The following CTBP2 variants were observed in gnomAD, a reference collection of about 807,000 sequenced individuals.
The protein encoded by CTBP2 is C-terminal-binding protein 2.
A neutral mutation model predicts 80.3 loss-of-function variants in CTBP2; 30 were observed. That is an observed-to-expected ratio of 0.37 (90% CI 0.28 to 0.51). The LOEUF (loss-of-function observed/expected upper bound fraction) is 0.51. Among genes scored for constraint, CTBP2 ranks in the 20% least tolerant of loss-of-function variants. The probability of loss-of-function intolerance (pLI) is 0.93; values close to 1 mark genes in which losing one functional copy is unlikely to be tolerated. For synonymous variants in CTBP2, 594 were observed against 587.4 expected (o/e 1.01, Z -0.16); for missense variants, 1,212 against 1,375.3 (o/e 0.88, Z 1.88).
chr10:125,065,619 GGA>G (rs1325239862), intron 2 of CTBP2, among the ~76,000 whole-genome samples: 11 of 152,178 alleles, frequency 7.2e-5, no homozygotes, highest in Admixed American at 5.2e-4. Flanking sequence ...GGGGCCGGAG[GGA>G]GAAAGTGGGA....
intron 1 of CTBP2, among the ~76,000 whole-genome samples, chr10:125,130,564 G>A (rs556856309): frequency 5.2e-4 from 79 of 152,172 alleles, no homozygotes; most frequent in Non-Finnish European, 1.0e-3. Context: ...AGTCACACGT[G>A]GGCTGCACTT....
At chr10:125,031,487 T>TAAAAAAA (rs1445636888), upstream of CTBP2, among the ~76,000 whole-genome samples, 802 of 11,942 alleles carry the variant, frequency 0.067, 17 homozygotes, top group Non-Finnish European at 0.11. Flanking sequence ...AGACTCCATT[T>TAAAAAAA]CAAAAAAAAA....
rs551820146 is a variant in CTBP2 at position 125,139,956 on chromosome 10, C to T, written c.-206+20363G>A. Among the ~76,000 whole-genome samples the T allele has an allele frequency of 5.9e-5, 9 of 152,224 alleles. No homozygotes were observed. In the South Asian group the frequency reaches 6.2e-4, roughly 11 times the overall value. On this transcript the variant is annotated intron_variant, in intron 1 of 10. Transcript: ENST00000337195. ...AAGCAGACCGGTGGCCACACACATT[C>T]GCAACTTCCACTCAGCGTCTAGCAC...
intron 5 of CTBP2, 80 bp from the exon 8 acceptor site, chr10:124,994,065 T>C (rs932786949): frequency 3.8e-6 from 6 of 1,568,396 alleles, no homozygotes; most frequent in Non-Finnish European, 5.2e-6. Context: ...AGAAGAAAGC[T>C]GCAAGCTAGT....
At position 124,994,137 on chromosome 10, in the gene CTBP2, G is replaced by C. The variant is rs935925042; in HGVS notation, c.2401-152C>G. 7 of 1,093,580 alleles carry C rather than the reference G, an allele frequency of 6.4e-6. No individual in the cohort carries two copies. The African/African-American group carries it at 9.5e-5, about 15-fold the overall frequency. The allele number at this position is 1,093,580 out of a possible 1,614,324, so 67.7% of individuals were successfully genotyped here. A position where few individuals can be genotyped will look rare whatever the true frequency, so the allele number is the denominator to read the frequency against. On this transcript the variant is annotated intron_variant, in intron 5 of 8. Transcript: ENST00000309035. ...TTGAGGGAAGGGAGTGGGAAGTGTT[G>C]GTGACGGCTGGAAGCCAGGGCCGTT...
chr10:125,078,877 C>T (rs1251573205), intron 2 of CTBP2, among the ~76,000 whole-genome samples: 1 of 151,692 alleles, frequency 6.6e-6, no homozygotes, highest in Non-Finnish European at 1.5e-5. Flanking sequence ...GTGGCTCGTG[C>T]TTGTAATCCC....
At chr10:125,052,545 C>T (rs1008655425) in intron 2 of CTBP2, among the ~76,000 whole-genome samples, 7 of 152,208 alleles carry the variant, frequency 4.6e-5, no homozygotes, top group Admixed American at 2.0e-4. Context: ...GTTAACAACA[C>T]CCAGAAGATT....
chr10:125,101,686 G>A (rs761273218), intron 2 of CTBP2, among the ~76,000 whole-genome samples: 6 of 152,164 alleles, frequency 3.9e-5, no homozygotes, highest in East Asian at 1.9e-4. Flanking sequence ...AGTTCCGTTC[G>A]TCTTGCATCG....
chr10:125,073,172 A>T (rs562112364), intron 2 of CTBP2, among the ~76,000 whole-genome samples: 3 of 152,326 alleles, frequency 2.0e-5, no homozygotes, highest in African/African-American at 7.2e-5. Flanking sequence ...TTTCTTTCTT[A>T]ATCTCAATGT....
rs1166604725 is a variant in CTBP2, at chr10:124,984,326, A to C, written c.*5192T>G. On this transcript the variant is annotated 3_prime_UTR_variant, in exon 9 of 9. Coordinates refer to ENST00000309035, the MANE Select transcript of CTBP2 (RefSeq NM_022802.3). ...TTTCAGAAAGCCAGTATTCTTATAAAAGTATTGGTCTTTTATTTAATATAC... is the reference window on the plus strand; with the variant it reads ...TTTCAGAAAGCCAGTATTCTTATAACAGTATTGGTCTTTTATTTAATATAC... 1 of 155,978 alleles carries C rather than the reference A, an allele frequency of 6.4e-6. No individual in the cohort carries two copies. The highest frequency in any genetic ancestry group is 1.9e-4 in the East Asian group (1 of 5,294). The allele number at this position is 155,978 out of a possible 1,614,324, so 9.7% of individuals were successfully genotyped here.
intron 1 of CTBP2, among the ~76,000 whole-genome samples, chr10:125,021,779 A>G (rs1250575369): frequency 6.6e-6 from 1 of 152,192 alleles, no homozygotes; most frequent in African/African-American, 2.4e-5. Flanking sequence ...ATGAAACCCA[A>G]TGACTGATCA....
chr10:125,123,722 G>A (rs1854728762), intron 1 of CTBP2, among the ~76,000 whole-genome samples: 1 of 152,206 alleles, frequency 6.6e-6, no homozygotes, highest in African/African-American at 2.4e-5. Context: ...AGAAGCCAGA[G>A]CTCACAATTC....
chr10:125,137,744 CCTT>C (rs1262715378), intron 1 of CTBP2, among the ~76,000 whole-genome samples: 1 of 152,214 alleles, frequency 6.6e-6, no homozygotes, highest in Non-Finnish European at 1.5e-5. Flanking sequence ...CCGTAAATAA[CCTT>C]CTGCCAGCCT....
intron 2 of CTBP2, among the ~76,000 whole-genome samples, chr10:125,043,109 C>T (rs758215449): frequency 4.6e-5 from 7 of 152,084 alleles, no homozygotes; most frequent in Non-Finnish European, 8.8e-5. Context: ...CCAGAGGGGA[C>T]GGGTATGGAA....
chr10:125,131,146 C>A (rs1856110128), intron 1 of CTBP2, among the ~76,000 whole-genome samples: 1 of 152,148 alleles, frequency 6.6e-6, no homozygotes, highest in Admixed American at 6.5e-5. Flanking sequence ...TGGGAGCAGC[C>A]CGCAGAGTGC....
intron 1 of CTBP2, among the ~76,000 whole-genome samples, chr10:125,011,068 G>GA (rs1249844382): frequency 2.0e-5 from 3 of 152,194 alleles, no homozygotes; most frequent in East Asian, 3.9e-4. Context: ...TGTAAGGAGG[G>GA]AAAAAATCGA....
rs1484461967 is a variant in CTBP2 at position 125,094,265 on chromosome 10, C to A, written c.-102+16725G>T. ...CACACAAGTGGTGGAGCCATCCCAA[C>A]ATGTCACCCTGACAAGGTGACAAAT... On this transcript the variant is annotated intron_variant, in intron 2 of 10. Transcript: ENST00000337195. 3.3e-5 allele frequency among the ~76,000 whole-genome samples: 5 copies of A among 152,312 alleles called. No homozygotes were observed. The East Asian group carries it at 7.7e-4, about 24-fold the overall frequency.
intron 1 of CTBP2, among the ~76,000 whole-genome samples, chr10:125,138,431 C>T (rs899643474): frequency 3.9e-5 from 6 of 152,090 alleles, no homozygotes; most frequent in Non-Finnish European, 7.4e-5. Context: ...GAAACACATC[C>T]GCGTTTGGTG....
At chr10:125,114,677 C>T (rs1448210259) in intron 1 of CTBP2, among the ~76,000 whole-genome samples, 1 of 152,126 alleles carries the variant, frequency 6.6e-6, no homozygotes. Context: ...TTGATGGGGG[C>T]GTCTGAGAAA....
Sources: gnomAD v4.1 joint callset for allele counts (sites outside exome capture counted in the v4.1 genomes callset) on GRCh38, gnomAD v4.1.1 for gene constraint, MANE v1.5 for transcripts, NCBI Gene and HGNC (gene_info 2026-07-23, HGNC 2026-07-21) for gene names.